The following DOCK2 variants were observed in gnomAD, a reference collection of about 807,000 sequenced individuals.
DOCK2 encodes dedicator of cytokinesis protein 2.
Under a neutral mutation model 248.9 loss-of-function variants are expected in DOCK2, and 87 were observed. The observed-to-expected ratio is 0.35, with a 90% CI of 0.29 to 0.42. The LOEUF (loss-of-function observed/expected upper bound fraction) is 0.42, where lower values mean the gene tolerates loss of function less well. DOCK2 is among the 10% of genes least tolerant of loss of function. DOCK2 has a pLI of 1.00. For missense variants in DOCK2, 1,747 were observed against 2,300.2 expected, an observed-to-expected ratio of 0.76 and a Z score of 4.92; for synonymous variants, 805 against 821.6, an observed-to-expected ratio of 0.98 and a Z score of 0.35.
chr5:169,751,377 A>T (rs560566949), intron 23 of DOCK2, among the ~76,000 whole-genome samples: 1 of 152,218 alleles, frequency 6.6e-6, no homozygotes, highest in Non-Finnish European at 1.5e-5. Flanking sequence ...AGTTTCAGCT[A>T]GTGAAATAGT....
intron 29 of DOCK2, among the ~76,000 whole-genome samples, chr5:169,988,668 A>G (rs1778131702): frequency 2.0e-5 from 3 of 152,024 alleles, no homozygotes; most frequent in South Asian, 4.2e-4. Context: ...ATGCACCACT[A>G]TGCTCAGCTA....
intron 27 of DOCK2, among the ~76,000 whole-genome samples, chr5:169,943,403 A>G (rs954750116): frequency 6.6e-6 from 1 of 152,100 alleles, no homozygotes; most frequent in Non-Finnish European, 1.5e-5. Context: ...TATTCTACAC[A>G]GGAATATGGC....
chr5:169,747,379 G>T lies in DOCK2; in HGVS notation c.2268-17G>T, dbSNP rs754894346. 2.5e-6 allele frequency: 4 copies of T among 1,605,782 alleles called. No homozygotes were observed. Among genetic ancestry groups the T allele is most frequent in the South Asian group, 2.2e-5 (2 of 89,736 alleles). On this transcript the variant is annotated splice_polypyrimidine_tract_variant and intron_variant, in intron 22 of 51. Transcript: ENST00000520908. The stretch of plus-strand genomic sequence containing the variant: ...GTCTGTTAGCTTGAGAAATGACCCA[G>T]ATGTATCTTGTTTCAGGCTTTATGA...
chr5:170,008,468 A>G, intron 30 of DOCK2, 29 bp from the exon 31 acceptor site: 2 of 1,613,014 alleles, frequency 1.2e-6, no homozygotes, highest in Non-Finnish European at 1.7e-6. Context: ...GACCCTCTCC[A>G]TAACTGTTCT....
chr5:169,657,200 T>C (rs1476608196), intron 2 of DOCK2, among the ~76,000 whole-genome samples: 2 of 152,098 alleles, frequency 1.3e-5, no homozygotes, highest in Non-Finnish European at 1.5e-5. Flanking sequence ...TTGGGGTGCC[T>C]TGAGTGGCAG....
At chr5:169,798,983 A>AT (rs1015715808) in intron 25 of DOCK2, among the ~76,000 whole-genome samples, 1 of 152,200 alleles carries the variant, frequency 6.6e-6, no homozygotes, top group Non-Finnish European at 1.5e-5. Flanking sequence ...ACCACGCTTG[A>AT]TTTGTTTCTT....
intron 30 of DOCK2, chr5:169,998,075 C>T: frequency 2.2e-6 from 1 of 456,080 alleles, no homozygotes; most frequent in South Asian, 1.5e-5. Flanking sequence ...AAGAGGCCTC[C>T]CCTCCTGACT....
intron 1 of DOCK2, among the ~76,000 whole-genome samples, chr5:169,638,570 G>T (rs1032137079): frequency 3.9e-5 from 6 of 152,162 alleles, no homozygotes; most frequent in African/African-American, 1.2e-4. Context: ...ATTGAATGGG[G>T]TTATGCATGG....
intron 23 of DOCK2, among the ~76,000 whole-genome samples, chr5:169,756,551 C>T (rs985332053): frequency 6.6e-6 from 1 of 152,088 alleles, no homozygotes; most frequent in South Asian, 2.1e-4. Context: ...TAGGCTCATG[C>T]GGTGCTGGGT....
intron 27 of DOCK2, among the ~76,000 whole-genome samples, chr5:169,895,738 G>A (rs751284627): frequency 1.3e-5 from 2 of 151,992 alleles, no homozygotes; most frequent in Non-Finnish European, 2.9e-5. Context: ...AGTTATTCAT[G>A]CACTTACACC....
intron 26 of DOCK2, among the ~76,000 whole-genome samples, chr5:169,822,209 C>T (rs1768501413): frequency 6.6e-6 from 1 of 152,166 alleles, no homozygotes; most frequent in African/African-American, 2.4e-5. Flanking sequence ...GACAGATCCA[C>T]CAGACAGAAA....
intron 27 of DOCK2, among the ~76,000 whole-genome samples, chr5:169,842,435 G>A (rs1581270666): frequency 1.3e-5 from 2 of 151,976 alleles, no homozygotes; most frequent in Middle Eastern, 6.8e-3. Context: ...TCGGCTCACT[G>A]CAACCTCCAC....
chr5:169,983,008 AG>A, intron 27 of DOCK2, 59 bp from the exon 28 acceptor site: 1 of 1,550,038 alleles, frequency 6.5e-7, no homozygotes, highest in East Asian at 2.2e-5. Flanking sequence ...ATTTTCTCAC[AG>A]GGAAGTTTTC....
At chr5:169,644,348 G>T (rs997872738) in intron 1 of DOCK2, among the ~76,000 whole-genome samples, 1 of 152,136 alleles carries the variant, frequency 6.6e-6, no homozygotes. Context: ...AAGAGATGGC[G>T]GTGGCTTGCA....
chr5:169,996,252 A>G, intron 30 of DOCK2, 88 bp downstream of exon 30: 1 of 1,348,418 alleles, frequency 7.4e-7, no homozygotes. Flanking sequence ...CACATCCCAA[A>G]GGCCACAGAA....
intron 27 of DOCK2, among the ~76,000 whole-genome samples, chr5:169,960,969 G>T (rs1310779033): frequency 6.6e-6 from 1 of 152,130 alleles, no homozygotes; most frequent in Non-Finnish European, 1.5e-5. Flanking sequence ...AGGGTTCATA[G>T]TATATATAGG....
chr5:170,077,409 AT>A (rs1383410506), intron 47 of DOCK2, among the ~76,000 whole-genome samples: 1 of 152,232 alleles, frequency 6.6e-6, no homozygotes, highest in Non-Finnish European at 1.5e-5. Context: ...ATCAGGAGCC[AT>A]CTTATTAGCA....
chr5:169,806,214 C>T (rs76124992), intron 26 of DOCK2, among the ~76,000 whole-genome samples: 19 of 135,994 alleles, frequency 1.4e-4, no homozygotes, highest in Non-Finnish European at 2.5e-4. Flanking sequence ...CATATCACCT[C>T]GAGAGTTTTT....
intron 27 of DOCK2, among the ~76,000 whole-genome samples, chr5:169,847,383 C>T (rs1321707891): frequency 1.3e-5 from 2 of 152,088 alleles, no homozygotes; most frequent in Non-Finnish European, 2.9e-5. Flanking sequence ...TTAATAATGG[C>T]CATTCTTGCA....
Sources: gnomAD v4.1 joint callset for allele counts (sites outside exome capture counted in the v4.1 genomes callset) on GRCh38, gnomAD v4.1.1 for gene constraint, MANE v1.5 for transcripts, NCBI Gene and HGNC (gene_info 2026-07-23, HGNC 2026-07-21) for gene names.